The following LARP1B variants were observed in gnomAD, a reference collection of about 807,000 sequenced individuals.
LARP1B encodes La ribonucleoprotein 1B.
Under a neutral mutation model 114.2 loss-of-function variants are expected in LARP1B, and 76 were observed. The observed-to-expected ratio is 0.67, with a 90% CI of 0.55 to 0.81. The LOEUF (loss-of-function observed/expected upper bound fraction) is 0.81. LARP1B is among the 30% of genes least tolerant of loss of function. The pLI, the probability that LARP1B is intolerant of heterozygous loss-of-function variation, is 0.00. For synonymous variants in LARP1B, 345 were observed against 348.0 expected (o/e 0.99, Z 0.10); for missense variants, 1,014 against 1,075.8 (o/e 0.94, Z 0.80).
chr4:128,119,390 TA>T (rs758765923), intron 10 of LARP1B, among the ~76,000 whole-genome samples: 2 of 152,236 alleles, frequency 1.3e-5, no homozygotes, highest in Non-Finnish European at 2.9e-5. Flanking sequence ...AGGTTCAGAA[TA>T]ATGCTAGGAT....
At chr4:128,093,633 T>C (rs2149603721) in intron 7 of LARP1B, among the ~76,000 whole-genome samples, 1 of 150,990 alleles carries the variant, frequency 6.6e-6, no homozygotes, top group Middle Eastern at 3.5e-3. Flanking sequence ...CTGACACCTG[T>C]GGAAAAATGA....
chr4:128,163,073 G>A (rs973214371), intron 12 of LARP1B, among the ~76,000 whole-genome samples: 6 of 151,942 alleles, frequency 3.9e-5, no homozygotes, highest in African/African-American at 1.5e-4. Flanking sequence ...GATATCTAGT[G>A]TTCAAATTTC....
chr4:128,099,084 T>G (rs1455974199), intron 8 of LARP1B, among the ~76,000 whole-genome samples: 1 of 151,716 alleles, frequency 6.6e-6, no homozygotes, highest in Non-Finnish European at 1.5e-5. Flanking sequence ...CCGTTCCCAC[T>G]TATTGAAAGG....
downstream of LARP1B, among the ~76,000 whole-genome samples, chr4:128,213,259 T>A (rs1759233711): frequency 1.3e-5 from 2 of 151,964 alleles, no homozygotes; most frequent in Non-Finnish European, 2.9e-5. Flanking sequence ...TTTTAAATGA[T>A]TTAATCATTT....
intron 15 of LARP1B, among the ~76,000 whole-genome samples, chr4:128,196,993 G>C (rs894666181): frequency 2.0e-5 from 3 of 152,114 alleles, no homozygotes; most frequent in African/African-American, 7.2e-5. Flanking sequence ...ACCTAGAATA[G>C]TCAAATTTAT....
intron 19 of LARP1B, among the ~76,000 whole-genome samples, chr4:128,209,152 C>T (rs1434669249): frequency 6.6e-6 from 1 of 152,176 alleles, no homozygotes; most frequent in Non-Finnish European, 1.5e-5. Context: ...GGCATGGTGG[C>T]TCATGCCTGT....
intron 9 of LARP1B, among the ~76,000 whole-genome samples, chr4:128,113,781 CTTTTTTTTT>C (rs1156610852): frequency 8.8e-6 from 1 of 114,248 alleles, no homozygotes; most frequent in Non-Finnish European, 1.8e-5. Flanking sequence ...GACATTTACT[CTTTTTTTTT>C]TTTTTTTTTT....
chr4:128,117,975 G>A (rs1786482910), intron 10 of LARP1B, among the ~76,000 whole-genome samples: 1 of 149,092 alleles, frequency 6.7e-6, no homozygotes, highest in South Asian at 2.1e-4. Flanking sequence ...GTGTGCAGTG[G>A]CGCGATCTCT....
Position 128,165,508 on chromosome 4 carries a change from T to C in LARP1B, c.1648+3191T>C, listed in dbSNP as rs114267451. 5.3e-3 allele frequency among the ~76,000 whole-genome samples: 808 copies of C among 152,112 alleles called. 9 individuals are homozygous for C. The highest frequency in any genetic ancestry group is 0.019 in the African/African-American group (773 of 41,516). Reference sequence around the variant, plus strand: ...TTATATGTCATAACATATGGAAAGATTGGAAGGTAAAGGATGGGAAATCAT... The same window carrying C: ...TTATATGTCATAACATATGGAAAGACTGGAAGGTAAAGGATGGGAAATCAT... On this transcript the variant is annotated intron_variant, in intron 12 of 19. Transcript: ENST00000326639.
At chr4:128,068,737 A>G (rs1415749943) in intron 1 of LARP1B, among the ~76,000 whole-genome samples, 3 of 152,012 alleles carry the variant, frequency 2.0e-5, no homozygotes, top group Non-Finnish European at 4.4e-5. Context: ...CTTTTAAATA[A>G]TTTATTTTAA....
At chr4:128,121,156 C>T (rs552353790) in intron 10 of LARP1B, among the ~76,000 whole-genome samples, 3 of 152,130 alleles carry the variant, frequency 2.0e-5, no homozygotes, top group Non-Finnish European at 4.4e-5. Flanking sequence ...ATGAATTTGA[C>T]ATGAAAACTG....
intron 10 of LARP1B, among the ~76,000 whole-genome samples, chr4:128,115,678 AGAGTCTC>A (rs1465287316): frequency 6.6e-6 from 1 of 152,190 alleles, no homozygotes; most frequent in Non-Finnish European, 1.5e-5. Context: ...TTTTTGAGAC[AGAGTCTC>A]GCTCTGTCGC....
At chr4:128,104,963 C>A (rs142614456) in intron 8 of LARP1B, among the ~76,000 whole-genome samples, 26 of 152,264 alleles carry the variant, frequency 1.7e-4, no homozygotes, top group Middle Eastern at 6.8e-3. Flanking sequence ...AAAACCACCA[C>A]TATTGGGAGT....
At chr4:128,121,766 G>A (rs1788049537) in intron 10 of LARP1B, 60 bp from the exon 11 acceptor site, 1 of 1,217,596 alleles carries the variant, frequency 8.2e-7, no homozygotes. Flanking sequence ...ACTGTTTTAT[G>A]ACATTTAATT....
chr4:128,097,455 G>A (rs1184703618), intron 7 of LARP1B, among the ~76,000 whole-genome samples: 1 of 151,980 alleles, frequency 6.6e-6, no homozygotes, highest in Non-Finnish European at 1.5e-5. Flanking sequence ...TTACAGGCAT[G>A]CGCTACCACA....
intron 9 of LARP1B, chr4:128,107,698 G>A: frequency 7.0e-7 from 1 of 1,434,486 alleles, no homozygotes; most frequent in Non-Finnish European, 9.1e-7. Flanking sequence ...CTTTAATTTT[G>A]TTACCAATAC....
chr4:128,173,226 C>T (rs1176251349), intron 12 of LARP1B, among the ~76,000 whole-genome samples: 1 of 152,086 alleles, frequency 6.6e-6, no homozygotes, highest in South Asian at 2.1e-4. Flanking sequence ...TAGCCTGCCA[C>T]GGGCCAATGT....
chr4:128,116,050 G>GT (rs1785696985), intron 10 of LARP1B, among the ~76,000 whole-genome samples: 3 of 152,224 alleles, frequency 2.0e-5, no homozygotes, highest in Non-Finnish European at 4.4e-5. Flanking sequence ...GTTTATATAT[G>GT]TTTTGGTGAT....
intron 4 of LARP1B, among the ~76,000 whole-genome samples, chr4:128,081,315 G>A (rs1265618205): frequency 6.7e-6 from 1 of 149,682 alleles, no homozygotes; most frequent in Non-Finnish European, 1.5e-5. Context: ...CTGACCTTAG[G>A]TTATCTGCCC....
Sources: allele counts gnomAD v4.1 joint callset (sites outside exome capture counted in the v4.1 genomes callset), GRCh38; gene constraint gnomAD v4.1.1; transcripts MANE v1.5; gene names NCBI Gene and HGNC (gene_info 2026-07-23, HGNC 2026-07-21).